PALD1: variants seen among roughly 807,000 people sequenced by gnomAD.
The protein encoded by PALD1 is phosphatase domain containing paladin 1, also known as paladin.
In PALD1, 57 loss-of-function variants were observed where a neutral mutation model predicts 96.0. The observed-to-expected ratio is 0.59, with a 90% CI of 0.48 to 0.74. The LOEUF (loss-of-function observed/expected upper bound fraction) is 0.74, where lower values mean the gene tolerates loss of function less well. Ranked by LOEUF, PALD1 falls within the 30% of genes least tolerant of loss-of-function variation. PALD1 has a pLI of 0.00. For synonymous variants in PALD1, 464 were observed against 473.6 expected, an observed-to-expected ratio of 0.98 and a Z score of 0.26; for missense variants, 1,063 against 1,143.7, an observed-to-expected ratio of 0.93 and a Z score of 1.02.
chr10:70,547,645 G>A (rs1049333888), intron 18 of PALD1, among the ~76,000 whole-genome samples, 199 bp downstream of exon 18: 3 of 152,164 alleles, frequency 2.0e-5, no homozygotes, highest in Non-Finnish European at 2.9e-5. Flanking sequence ...ACTGGTATGG[G>A]TACCAGATTC....
intron 1 of PALD1, among the ~76,000 whole-genome samples, chr10:70,517,612 G>T (rs1334803398): frequency 6.6e-6 from 1 of 152,094 alleles, no homozygotes; most frequent in Non-Finnish European, 1.5e-5. Context: ...AAAGTTTTGG[G>T]ATTACAGGCG....
rs528857923 is a variant in PALD1, at chr10:70,564,613, G to T, written c.2418+94G>T. 18 of 1,237,852 alleles carry T rather than the reference G, an allele frequency of 1.5e-5. No individual in the cohort carries two copies. In the South Asian group the frequency reaches 2.5e-4, roughly 17 times the overall value. The allele number at this position is 1,237,852 out of a possible 1,614,324, so 76.7% of individuals were successfully genotyped here. ...CTCAGTGCCTGTACATGGCCTGCGG[G>T]GACCCCGTGACAGGCGGGAAGAGCC... On this transcript the variant is annotated intron_variant, in intron 19 of 19. Transcript: ENST00000263563.
intron 1 of PALD1, among the ~76,000 whole-genome samples, chr10:70,525,451 G>A (rs116023685): frequency 2.3e-3 from 353 of 151,362 alleles, no homozygotes; most frequent in African/African-American, 7.2e-3. Flanking sequence ...TTCTGCATCC[G>A]TTCCCATCCA....
the PALD1 span, among the ~76,000 whole-genome samples, chr10:70,462,036 G>T: frequency 1.3e-5 from 2 of 152,052 alleles, no homozygotes; most frequent in African/African-American, 4.8e-5. Context: ...TGAGCGATCC[G>T]CCCACCTCAG....
chr10:70,492,244 C>A (rs183390321), intron 1 of PALD1, among the ~76,000 whole-genome samples: 47 of 152,150 alleles, frequency 3.1e-4, no homozygotes, highest in African/African-American at 1.1e-3. Context: ...CATATACAGA[C>A]GGTCCCTGAC....
At position 70,523,145 on chromosome 10, in the gene PALD1, C is replaced by T. The variant is rs78376684; in HGVS notation, c.-29-2778C>T. 4.5e-3 allele frequency among the ~76,000 whole-genome samples: 691 copies of T among 152,346 alleles called. 9 individuals are homozygous for T. The highest frequency in any genetic ancestry group is 0.016 in the African/African-American group (670 of 41,578). ...GGCCTGCAGCTGTGAACATCTGTGT[C>T]GTCTCTGGGCCACCCTTGCAGGGCA... On this transcript the variant is annotated intron_variant, in intron 1 of 19. Transcript: ENST00000263563.
chr10:70,517,073 T>C (rs1434229200), intron 1 of PALD1, among the ~76,000 whole-genome samples: 1 of 152,100 alleles, frequency 6.6e-6, no homozygotes, highest in Non-Finnish European at 1.5e-5. Context: ...GCCAGGCCCT[T>C]TTCTGAGGTC....
At chr10:70,511,809 A>C (rs530052318) in intron 1 of PALD1, among the ~76,000 whole-genome samples, 1 of 152,298 alleles carries the variant, frequency 6.6e-6, no homozygotes, top group African/African-American at 2.4e-5. Flanking sequence ...CAGGTGGATC[A>C]TGAGGTCAGG....
intron 17 of PALD1, among the ~76,000 whole-genome samples, chr10:70,544,434 C>T (rs1847319252): frequency 6.6e-6 from 1 of 151,988 alleles, no homozygotes. Flanking sequence ...AGGTTGTGAT[C>T]AGGCTCTCAG....
chr10:70,537,711 T>C, intron 10 of PALD1, 100 bp from the exon 11 acceptor site: 1 of 744,848 alleles, frequency 1.3e-6, no homozygotes, highest in Non-Finnish European at 2.4e-6. Context: ...AAGACTGTCT[T>C]CTGGGGAGTT....
In PALD1 at chr10:70,541,497, G is replaced by C; in HGVS notation, c.2084G>C (p.Ser695Thr). ...GAGGTGGGTGAGGAGGAGCTCGTGA[G>C]TGTGCCTGATGCCAAGTTCACTAAG... The part of the protein sequence containing the change: ...FPEVGEEELV[S>T]VPDAKFTKGE... Residue 695 changes from serine to threonine, a missense_variant, in exon 17 of 20, where the codon AGT (serine) becomes ACT (threonine). Transcript: ENST00000263563. 6.2e-7 allele frequency: 1 copy of C among 1,613,972 alleles called. No homozygotes were observed. The highest frequency in any genetic ancestry group is 1.1e-5 in the South Asian group (1 of 91,036).
the PALD1 span, among the ~76,000 whole-genome samples, chr10:70,473,088 C>A: frequency 6.6e-6 from 1 of 152,158 alleles, no homozygotes; most frequent in Admixed American, 6.6e-5. Flanking sequence ...GATGCAGAAG[C>A]CAGAACAAAC....
At chr10:70,460,139 C>T in the PALD1 span, among the ~76,000 whole-genome samples, 1 of 152,204 alleles carries the variant, frequency 6.6e-6, no homozygotes, top group Non-Finnish European at 1.5e-5. Flanking sequence ...CTTCCGCCGT[C>T]TGGGCCCCTG....
chr10:70,566,493 A>G (rs1847856260), intron 19 of PALD1, 88 bp from the exon 20 acceptor site: 1 of 985,738 alleles, frequency 1.0e-6, no homozygotes, highest in South Asian at 1.5e-5. Flanking sequence ...CCAAGTTCAC[A>G]GGCCACAGAC....
intron 17 of PALD1, among the ~76,000 whole-genome samples, chr10:70,544,702 C>T (rs2132407555): frequency 6.6e-6 from 1 of 152,262 alleles, no homozygotes; most frequent in South Asian, 2.1e-4. Flanking sequence ...CTGTGAAGAG[C>T]TGCAGCCCTC....
At chr10:70,537,949 C>T in intron 11 of PALD1, 43 bp downstream of exon 11, 1 of 1,303,994 alleles carries the variant, frequency 7.7e-7, no homozygotes, top group Non-Finnish European at 1.1e-6. Flanking sequence ...TCCTCCTGGG[C>T]CTCTCCCAGC....
chr10:70,534,339 A>C, intron 8 of PALD1, 86 bp from the exon 9 acceptor site: 1 of 904,552 alleles, frequency 1.1e-6, no homozygotes, highest in East Asian at 2.7e-5. Flanking sequence ...GGTGTCCCCC[A>C]GCGGCCATAT....
At chr10:70,504,866 T>A (rs1293466192) in intron 1 of PALD1, among the ~76,000 whole-genome samples, 1 of 152,258 alleles carries the variant, frequency 6.6e-6, no homozygotes, top group Non-Finnish European at 1.5e-5. Flanking sequence ...TGATCCTATG[T>A]AAAAATTTGA....
intron 1 of PALD1, among the ~76,000 whole-genome samples, chr10:70,489,849 T>C (rs1208691712): frequency 2.0e-5 from 3 of 152,224 alleles, no homozygotes; most frequent in Non-Finnish European, 4.4e-5. Context: ...TCTGTATCTC[T>C]ATAGATTTGC....
Sources: allele counts gnomAD v4.1 joint callset (sites outside exome capture counted in the v4.1 genomes callset), GRCh38; gene constraint gnomAD v4.1.1; transcripts MANE v1.5; gene names NCBI Gene and HGNC (gene_info 2026-07-23, HGNC 2026-07-21).